The following PDE4D variants were observed in gnomAD, a reference collection of about 807,000 sequenced individuals.
The protein encoded by PDE4D is 3',5'-cyclic-AMP phosphodiesterase 4D.
In PDE4D, 24 loss-of-function variants were observed where a neutral mutation model predicts 87.4. The observed-to-expected ratio is 0.27, with a 90% CI of 0.20 to 0.39. The LOEUF is 0.39. PDE4D is among the 10% of genes least tolerant of loss of function. The pLI is 1.00. For synonymous variants in PDE4D, 384 were observed against 383.2 expected (o/e 1.00, Z -0.02); for missense variants, 714 against 1,041.0 (o/e 0.69, Z 4.32).
chr5:59,965,060 C>T (rs1417949359), intron 3 of PDE4D, among the ~76,000 whole-genome samples: 1 of 152,154 alleles, frequency 6.6e-6, no homozygotes, highest in Non-Finnish European at 1.5e-5. Flanking sequence ...TGCATCTGTG[C>T]CCATATACTC....
intron 1 of PDE4D, among the ~76,000 whole-genome samples, chr5:59,382,327 C>T (rs1786033213): frequency 6.6e-6 from 1 of 151,926 alleles, no homozygotes; most frequent in South Asian, 2.1e-4. Flanking sequence ...GAAAGGTGCT[C>T]AATGTTAAAA....
intron 1 of PDE4D, among the ~76,000 whole-genome samples, chr5:59,817,919 G>A (rs1281536778): frequency 6.6e-6 from 1 of 152,122 alleles, no homozygotes; most frequent in Admixed American, 6.5e-5. Context: ...CACCCCATCT[G>A]GTGTTTTGCT....
chr5:59,320,919 C>G (rs528850926), intron 1 of PDE4D, among the ~76,000 whole-genome samples: 1 of 152,054 alleles, frequency 6.6e-6, no homozygotes, highest in South Asian at 2.1e-4. Context: ...TTAAGATAAA[C>G]CAATTAAGTA....
chr5:59,228,654 G>A (rs886209669), intron 1 of PDE4D, among the ~76,000 whole-genome samples: 2 of 152,096 alleles, frequency 1.3e-5, no homozygotes, highest in Admixed American at 6.6e-5. Context: ...CTCCTAAAAT[G>A]TAAGCCCATT....
chr5:59,879,077 T>TG (rs1749057237), intron 1 of PDE4D, among the ~76,000 whole-genome samples: 4 of 151,886 alleles, frequency 2.6e-5, no homozygotes, highest in Non-Finnish European at 2.9e-5. Context: ...TTTGTGTGTG[T>TG]TTTTAGTAGA....
At chr5:59,284,867 G>A (rs1406441247) in intron 1 of PDE4D, among the ~76,000 whole-genome samples, 1 of 42,142 alleles carries the variant, frequency 2.4e-5, no homozygotes, top group African/African-American at 9.4e-5. Flanking sequence ...ATACACCATG[G>A]AATACTATGC....
At chr5:59,769,712 G>C (rs545599749) in intron 1 of PDE4D, among the ~76,000 whole-genome samples, 124 of 152,256 alleles carry the variant, frequency 8.1e-4, no homozygotes, top group Non-Finnish European at 1.4e-3. Flanking sequence ...TTTGCATAGG[G>C]AAGTTCCCAG....
At chr5:59,814,302 G>A (rs952207426) in intron 1 of PDE4D, among the ~76,000 whole-genome samples, 2 of 152,198 alleles carry the variant, frequency 1.3e-5, no homozygotes, top group African/African-American at 4.8e-5. Flanking sequence ...GACAGAGACT[G>A]TCTGTCCCAC....
upstream of PDE4D, among the ~76,000 whole-genome samples, chr5:59,898,349 T>C (rs544619839): frequency 1.3e-3 from 198 of 152,280 alleles, no homozygotes; most frequent in African/African-American, 4.5e-3. Context: ...AAAATTACTA[T>C]CCTCAAGGAG....
intron 1 of PDE4D, among the ~76,000 whole-genome samples, chr5:59,848,806 G>A (rs771481716): frequency 1.8e-4 from 27 of 151,972 alleles, no homozygotes; most frequent in Non-Finnish European, 3.4e-4. Context: ...AATAAAATCC[G>A]TAACCGGGGT....
intron 3 of PDE4D, among the ~76,000 whole-genome samples, chr5:59,965,634 T>C (rs1241429100): frequency 1.3e-5 from 2 of 152,188 alleles, no homozygotes; most frequent in Non-Finnish European, 2.9e-5. Flanking sequence ...ACTTCACCTC[T>C]CCTTGGCCCC....
At chr5:59,345,058 C>T (rs1257522220) in intron 1 of PDE4D, among the ~76,000 whole-genome samples, 1 of 151,524 alleles carries the variant, frequency 6.6e-6, no homozygotes, top group Admixed American at 6.6e-5. Flanking sequence ...TATATATTAC[C>T]GGAATCTTAA....
intron 1 of PDE4D, among the ~76,000 whole-genome samples, chr5:59,853,060 A>G (rs1744915320): frequency 1.3e-5 from 2 of 152,064 alleles, no homozygotes; most frequent in East Asian, 1.9e-4. Context: ...ACCTTTCTTT[A>G]TATGTCTTGT....
At chr5:59,833,806 A>G (rs1180517649) in intron 1 of PDE4D, among the ~76,000 whole-genome samples, 1 of 152,088 alleles carries the variant, frequency 6.6e-6, no homozygotes, top group Admixed American at 6.6e-5. Context: ...CAAGCATCAC[A>G]TATAGGTATT....
At chr5:59,802,239 C>CT (rs1472583482) in intron 1 of PDE4D, among the ~76,000 whole-genome samples, 130 of 114,024 alleles carry the variant, frequency 1.1e-3, no homozygotes, top group African/African-American at 4.8e-3. Flanking sequence ...TTTTTGTTTT[C>CT]ATTTTTTTTT....
intron 1 of PDE4D, among the ~76,000 whole-genome samples, chr5:59,735,208 T>A (rs919644388): frequency 6.6e-6 from 1 of 152,238 alleles, no homozygotes; most frequent in Non-Finnish European, 1.5e-5. Context: ...ATTGCAGTTA[T>A]GAAACATAAA....
At chr5:60,197,050 T>C (rs1741308672) in intron 1 of PDE4D, among the ~76,000 whole-genome samples, 1 of 103,004 alleles carries the variant, frequency 9.7e-6, no homozygotes, top group Non-Finnish European at 2.0e-5. Flanking sequence ...GATAGATAGA[T>C]AGATAGATAG....
At chr5:60,063,136 AAGAAAG>A (rs1432902183) in intron 2 of PDE4D, among the ~76,000 whole-genome samples, 5 of 151,016 alleles carry the variant, frequency 3.3e-5, no homozygotes, top group Non-Finnish European at 7.4e-5. Flanking sequence ...GAAAGAAAGA[AAGAAAG>A]AAAGAAAGAA....
chr5:60,454,131 C>T (rs546189865), intron 1 of PDE4D, among the ~76,000 whole-genome samples: 10 of 152,206 alleles, frequency 6.6e-5, no homozygotes, highest in South Asian at 2.1e-4. Flanking sequence ...ATCAAAACTG[C>T]GACAACTCTG....
Sources: gnomAD v4.1 joint callset for allele counts (sites outside exome capture counted in the v4.1 genomes callset) on GRCh38, gnomAD v4.1.1 for gene constraint, MANE v1.5 for transcripts, NCBI Gene and HGNC (gene_info 2026-07-23, HGNC 2026-07-21) for gene names.